The following PHIP variants were observed in gnomAD, a reference collection of about 807,000 sequenced individuals.
PHIP encodes PHIP subunit of CUL4-Ring ligase complex.
Under a neutral mutation model 236.8 loss-of-function variants are expected in PHIP, and 54 were observed. The ratio of observed to expected loss-of-function variants is 0.23; its 90% CI spans 0.18 to 0.29. The LOEUF is 0.29. Ranked by LOEUF, PHIP falls within the 10% of genes least tolerant of loss-of-function variation. PHIP has a pLI of 1.00. For synonymous variants in PHIP, 756 were observed against 718.9 expected (o/e 1.05, Z -0.83); for missense variants, 1,370 against 2,190.8 (o/e 0.63, Z 7.48).
chr6:79,032,073 T>C (rs1409195951), intron 7 of PHIP, among the ~76,000 whole-genome samples: 2 of 152,196 alleles, frequency 1.3e-5, no homozygotes, highest in East Asian at 3.8e-4. Flanking sequence ...TATGCTGCAG[T>C]GTATTAAGTG....
rs1238496759 is a variant in PHIP at position 78,938,968 on chromosome 6, G to T, written c.*1725C>A. Reference sequence around the variant, plus strand: ...GCAGACTTTATTTTTCTACATCAGGGTCATGCTGATACATATTTTCCCCAT... The same window carrying T: ...GCAGACTTTATTTTTCTACATCAGGTTCATGCTGATACATATTTTCCCCAT... On this transcript the variant is annotated 3_prime_UTR_variant, in exon 40 of 40. Coordinates refer to ENST00000275034, the MANE Select transcript of PHIP (RefSeq NM_017934.7). 6.6e-6 allele frequency: 1 copy of T among 151,532 alleles called. No individual in the cohort carries two copies. The highest frequency in any genetic ancestry group is 1.5e-5 in the Non-Finnish European group (1 of 67,634). 9.4% of individuals were successfully genotyped at this position (151,532 alleles called of 1,614,324 possible). A position where few individuals can be genotyped will look rare whatever the true frequency, so the allele number is the denominator to read the frequency against.
chr6:79,014,353 T>TA (rs1770736763), intron 15 of PHIP, among the ~76,000 whole-genome samples: 2 of 151,888 alleles, frequency 1.3e-5, no homozygotes, highest in South Asian at 4.1e-4. Flanking sequence ...ATTGGTTTTT[T>TA]AAAAAAATTT....
chr6:79,057,555 T>G (rs1469990141), intron 6 of PHIP, among the ~76,000 whole-genome samples: 3 of 152,094 alleles, frequency 2.0e-5, no homozygotes, highest in Non-Finnish European at 2.9e-5. Flanking sequence ...GTGTCAAAAT[T>G]TTAATATTTG....
chr6:78,962,196 C>G (rs77363674), intron 30 of PHIP, among the ~76,000 whole-genome samples: 3,326 of 152,164 alleles, frequency 0.022, 121 homozygotes, highest in African/African-American at 0.076. Context: ...TTGACTTTCT[C>G]AAACGTATCC....
At chr6:78,966,179 C>A in intron 27 of PHIP, 123 bp from the exon 28 acceptor site, 1 of 627,648 alleles carries the variant, frequency 1.6e-6, no homozygotes, top group Non-Finnish European at 2.9e-6. Context: ...AAAAGTGAAC[C>A]ACAAACTCCA....
intron 14 of PHIP, 114 bp downstream of exon 14, chr6:79,015,516 A>G (rs1582225729): frequency 2.5e-6 from 2 of 786,538 alleles, no homozygotes; most frequent in East Asian, 5.1e-5. Flanking sequence ...CAAAGCCGTT[A>G]CCCCAGCAAG....
At position 78,958,599 on chromosome 6, in the gene PHIP, G is replaced by T; in HGVS notation, c.3658C>A (p.Arg1220=). The change falls in exon 32 of 40, where the codon CGG becomes AGG. Residue 1220 remains arginine, a splice_region_variant and synonymous_variant. Transcript: ENST00000275034. ...KQRLENRFYR[R]VSSLMWEVRY... ...ACTTCCCACATTAGGGAAGAAACCC[G>T]CCTTAAAAAAACAAAATATAGAAGT... The T allele has an allele frequency of 6.4e-7, 1 of 1,551,290 alleles. No individual in the cohort carries two copies. Among genetic ancestry groups the T allele is most frequent in the Non-Finnish European group, 8.8e-7 (1 of 1,131,850 alleles).
rs190630470 is a variant in PHIP at position 78,944,378 on chromosome 6, G to A, written c.4828+922C>T. ...GAGAAATAAAAAGATCGCTTTGGCT[G>A]CAATATGAGAGAGGGACTGGTTAAG... On this transcript the variant is annotated intron_variant, in intron 39 of 39. Transcript: ENST00000275034. 7.4e-4 allele frequency among the ~76,000 whole-genome samples: 112 copies of A among 152,322 alleles called. 1 individual carries two copies. The highest frequency in any genetic ancestry group is 6.8e-3 in the Middle Eastern group (2 of 294).
At chr6:78,941,807 T>C (rs900568025) in intron 39 of PHIP, among the ~76,000 whole-genome samples, 2 of 152,242 alleles carry the variant, frequency 1.3e-5, no homozygotes, top group Non-Finnish European at 2.9e-5. Flanking sequence ...TATATATCAA[T>C]CAAAATCACT....
chr6:79,008,044 T>C (rs1482597514), intron 15 of PHIP, among the ~76,000 whole-genome samples: 2 of 119,738 alleles, frequency 1.7e-5, no homozygotes, highest in South Asian at 3.1e-4. Flanking sequence ...TCCCAGCTAC[T>C]TGGGAGGCTG....
intron 15 of PHIP, among the ~76,000 whole-genome samples, chr6:79,014,661 T>C (rs781159074): frequency 1.3e-5 from 2 of 151,862 alleles, no homozygotes; most frequent in Non-Finnish European, 3.0e-5. Context: ...AAGAAATGCT[T>C]GATTCTTTGG....
intron 21 of PHIP, among the ~76,000 whole-genome samples, chr6:78,986,124 G>A (rs1394565148): frequency 6.6e-6 from 1 of 151,996 alleles, no homozygotes; most frequent in Admixed American, 6.6e-5. Flanking sequence ...GCACATTTAT[G>A]TTTTATTTAT....
chr6:79,036,068 T>C (rs1417293087), intron 7 of PHIP, among the ~76,000 whole-genome samples: 2 of 152,216 alleles, frequency 1.3e-5, no homozygotes, highest in African/African-American at 4.8e-5. Context: ...TACGAATTCA[T>C]GAATCTCCTA....
At position 79,025,598 on chromosome 6, in the gene PHIP, A is replaced by G; in HGVS notation, c.844T>C (p.Ser282Pro). 1 of 1,608,716 alleles carries G rather than the reference A, an allele frequency of 6.2e-7. No homozygotes were observed. The highest frequency in any genetic ancestry group is 8.5e-7 in the Non-Finnish European group (1 of 1,175,176). ...SLQFSPLCSGSKRYLSSTGAD... is the reference protein window; with the variant it reads ...SLQFSPLCSGPKRYLSSTGAD... ...CCAGTAGAAGATAGATATCTCTTTG[A>G]GCCACTGCACAATGGTGAGAACTGA... Residue 282 changes from serine to proline, a missense_variant, in exon 9 of 40, where the codon TCA becomes CCA. Coordinates refer to ENST00000275034, the MANE Select transcript of PHIP (RefSeq NM_017934.7).
At chr6:78,973,324 T>C (rs2127709426) in intron 24 of PHIP, among the ~76,000 whole-genome samples, 1 of 150,368 alleles carries the variant, frequency 6.7e-6, no homozygotes. Flanking sequence ...GACAAGCAAA[T>C]GCTGAGAGAT....
At chr6:78,984,374 A>T (rs1190611523) in intron 22 of PHIP, among the ~76,000 whole-genome samples, 2 of 151,956 alleles carry the variant, frequency 1.3e-5, no homozygotes, top group East Asian at 3.9e-4. Context: ...AGCCATGGCC[A>T]CTGTAAATGG....
intron 32 of PHIP, chr6:78,957,078 GGATTT>G (rs1766468454): frequency 6.6e-6 from 1 of 151,926 alleles, no homozygotes; most frequent in Admixed American, 6.6e-5. Flanking sequence ...AAAATGCCAT[GGATTT>G]ATTTTTAGAA....
In PHIP at chr6:78,946,085, C is replaced by T. The variant is rs138108985; in HGVS notation, c.4546G>A (p.Val1516Ile). Residue 1516 changes from valine (V) to isoleucine (I), a missense_variant, in exon 38 of 40, where the codon GTT (valine) becomes ATT (isoleucine). Val to Ile is a conservative substitution (Grantham distance 29, BLOSUM62 3). Transcript: ENST00000275034. Reference protein sequence around the residue: ...TRSNRVVVDPVVTEQPSTSSA... With the variant: ...TRSNRVVVDPIVTEQPSTSSA... ...GAAGTAGATGGTTGCTCAGTGACAACTGGATCTACAACCACTCGGTTGCTT... is the reference window on the plus strand; with the variant it reads ...GAAGTAGATGGTTGCTCAGTGACAATTGGATCTACAACCACTCGGTTGCTT... 1.2e-6 allele frequency: 2 copies of T among 1,613,510 alleles called. No individual in the cohort carries two copies. The highest frequency in any genetic ancestry group is 8.5e-7 in the Non-Finnish European group (1 of 1,179,436).
chr6:78,962,530 A>C (rs1241295875), intron 30 of PHIP, among the ~76,000 whole-genome samples: 2 of 152,106 alleles, frequency 1.3e-5, no homozygotes, highest in Non-Finnish European at 2.9e-5. Flanking sequence ...ATTTCTCTCT[A>C]GACTCTTTGC....
Sources: allele counts gnomAD v4.1 joint callset (sites outside exome capture counted in the v4.1 genomes callset), GRCh38; gene constraint gnomAD v4.1.1; transcripts MANE v1.5; gene names NCBI Gene and HGNC (gene_info 2026-07-23, HGNC 2026-07-21).